Variants in RTCB observed in about 807,000 individuals in gnomAD.
The protein encoded by RTCB is RNA 2',3'-cyclic phosphate and 5'-OH ligase, also known as RNA-splicing ligase RTCB.
A neutral mutation model predicts 58.2 loss-of-function variants in RTCB; 32 were observed. The ratio of observed to expected loss-of-function variants is 0.55; its 90% CI spans 0.41 to 0.74. RTCB has a LOEUF of 0.74. Ranked by LOEUF, RTCB falls within the 30% of genes least tolerant of loss-of-function variation. The probability of loss-of-function intolerance (pLI) is 0.00; values close to 1 mark genes in which losing one functional copy is unlikely to be tolerated. For missense variants in RTCB, 523 were observed against 639.0 expected (o/e 0.82, Z 1.96); for synonymous variants, 247 against 218.6 (o/e 1.13, Z -1.15).
In RTCB at chr22:32,393,965, C is replaced by T. The variant is rs1392160947; in HGVS notation, c.1217G>A (p.Gly406Glu). 2 of 1,613,944 alleles carry T rather than the reference C, an allele frequency of 1.2e-6. No homozygotes were observed. Among genetic ancestry groups the T allele is most frequent in the African/African-American group, 1.3e-5 (1 of 74,926 alleles). Residue 406 changes from glycine (G) to glutamate (E), a missense_variant, in exon 10 of 12, where the codon GGA becomes GAA. Gly to Glu is a moderately conservative substitution (Grantham distance 98). Coordinates refer to ENST00000216038, the MANE Select transcript of RTCB (RefSeq NM_014306.5). ...GCCAGTAAGAACATAACTACAGGTT[C>T]CCATGGTGCCACCAATGAGCACTGG... ...GQPVLIGGTMGTCSYVLTGTE... is the reference protein window; with the variant it reads ...GQPVLIGGTMETCSYVLTGTE...
intron 7 of RTCB, among the ~76,000 whole-genome samples, chr22:32,397,580 C>A (rs1933267386): frequency 6.6e-6 from 1 of 152,176 alleles, no homozygotes; most frequent in Non-Finnish European, 1.5e-5. Context: ...ACATAATCTG[C>A]CAAATGAAAG....
Position 32,398,141 on chromosome 22 carries a change from AGTTT to A in RTCB, c.655-45_655-42del, listed in dbSNP as rs754985758. On this transcript the variant is annotated intron_variant, in intron 6 of 11. Transcript: ENST00000216038. ...TGTCTGGTAAGATAGTTTTTATTCC[AGTTT>A]TTTTTTTAATCTATTTAAAAACCAA... The A allele has an allele frequency of 3.6e-5, 57 of 1,575,960 alleles. No homozygotes were observed. In the East Asian group the frequency reaches 9.4e-4, roughly 26 times the overall value.
rs1933241474 is a variant in RTCB at position 32,396,096 on chromosome 22, G to C, written c.968C>G (p.Ser323Cys). The C allele has an allele frequency of 1.2e-6, 2 of 1,614,084 alleles. No homozygotes were observed. The highest frequency in any genetic ancestry group is 1.7e-6 in the Non-Finnish European group (2 of 1,179,944). Reference sequence around the variant, plus strand: ...TACCTGACGGGTTAAGAAGGTCATGGAAGAGCGGTTGACCCAGGCATAGTT... The same window carrying C: ...TACCTGACGGGTTAAGAAGGTCATGCAAGAGCGGTTGACCCAGGCATAGTT... ...AGNYAWVNRS[S>C]MTFLTRQAFA... The change falls in exon 8 of 12, where the codon TCC becomes TGC. Residue 323 changes from serine to cysteine, a missense_variant. Physicochemically the swap from Ser to Cys is moderately radical, Grantham distance 112. This residue lies in a region of RTCB where 248 missense variants were observed against 292.5 expected (regional missense o/e 0.85). Coordinates refer to ENST00000216038, the MANE Select transcript of RTCB (RefSeq NM_014306.5).
chr22:32,398,692 A>G (rs1188002830), intron 6 of RTCB, among the ~76,000 whole-genome samples: 1 of 152,242 alleles, frequency 6.6e-6, no homozygotes, highest in Non-Finnish European at 1.5e-5. Flanking sequence ...AAACATCACA[A>G]AGAGTCAAAT....
chr22:32,392,115 G>T (rs945140826), intron 11 of RTCB, 125 bp downstream of exon 11: 31 of 988,542 alleles, frequency 3.1e-5, no homozygotes, highest in Non-Finnish European at 4.4e-5. Flanking sequence ...CAAAATTGAG[G>T]TCATAAAAAA....
chr22:32,396,593 T>C (rs566102599), intron 7 of RTCB, among the ~76,000 whole-genome samples: 81 of 152,350 alleles, frequency 5.3e-4, no homozygotes, highest in African/African-American at 1.8e-3. Context: ...ATACATTTTG[T>C]TGCCTTCATG....
At position 32,394,302 on chromosome 22, in the gene RTCB, G is replaced by A. The variant is rs566255110; in HGVS notation, c.1180-300C>T. On this transcript the variant is annotated intron_variant, in intron 9 of 11. Coordinates refer to ENST00000216038, the MANE Select transcript of RTCB (RefSeq NM_014306.5). ...AATTTTTTGTATTTTTAGTAGAGGCGGAGTTTCACCATGTTAGCCAGGATG... is the reference window on the plus strand; with the variant it reads ...AATTTTTTGTATTTTTAGTAGAGGCAGAGTTTCACCATGTTAGCCAGGATG... 1.1e-4 allele frequency among the ~76,000 whole-genome samples: 16 copies of A among 152,030 alleles called. No homozygotes were observed. In the East Asian group the frequency reaches 2.9e-3, roughly 28 times the overall value.
chr22:32,412,204 G>T lies in RTCB; in HGVS notation c.-48C>A. ...ACTCCCGGCTCCGCTTTGAAGAGCC[G>T]CTGCCGCGTAGTCCGGCTTCTCAGA... is the stretch of plus-strand genomic sequence containing the variant. On this transcript the variant is annotated 5_prime_UTR_variant, in exon 1 of 12. Coordinates refer to ENST00000216038, the MANE Select transcript of RTCB (RefSeq NM_014306.5). 6.8e-7 allele frequency: 1 copy of T among 1,470,838 alleles called. No individual in the cohort carries two copies. Among genetic ancestry groups the T allele is most frequent in the Non-Finnish European group, 9.3e-7 (1 of 1,078,800 alleles). The allele number at this position is 1,470,838 out of a possible 1,614,324, so 91.1% of individuals were successfully genotyped here.
chr22:32,403,416 A>G (rs1933370950), intron 4 of RTCB, among the ~76,000 whole-genome samples: 1 of 152,130 alleles, frequency 6.6e-6, no homozygotes, highest in South Asian at 2.1e-4. Context: ...CAAAAAAAAA[A>G]GAAAAAAAAA....
chr22:32,388,215 T>C, intron 11 of RTCB, 116 bp from the exon 12 acceptor site: 1 of 640,922 alleles, frequency 1.6e-6, no homozygotes, highest in Non-Finnish European at 2.7e-6. Context: ...AGAGTTTTTT[T>C]TTGCCTATGA....
intron 6 of RTCB, 24 bp from the exon 7 acceptor site, chr22:32,398,124 A>T (rs772576236): frequency 1.3e-6 from 2 of 1,593,508 alleles, no homozygotes; most frequent in African/African-American, 2.7e-5. Flanking sequence ...AATGTCTGGT[A>T]AGATAGTTTT....
chr22:32,401,240 C>A (rs1271055023), intron 5 of RTCB, among the ~76,000 whole-genome samples: 1 of 151,754 alleles, frequency 6.6e-6, no homozygotes, highest in Non-Finnish European at 1.5e-5. Context: ...GGACTACAGT[C>A]ACAAGCCATC....
In RTCB at chr22:32,396,281, T is replaced by A; in HGVS notation, c.815-32A>T. The A allele has an allele frequency of 1.9e-6, 3 of 1,606,452 alleles. No individual in the cohort carries two copies. The South Asian group carries it at 3.3e-5, about 18-fold the overall frequency. On this transcript the variant is annotated intron_variant, in intron 7 of 11. Coordinates refer to ENST00000216038, the MANE Select transcript of RTCB (RefSeq NM_014306.5). ...CAAGAGCCACAAAGTCCAAACCAGT[T>A]AGCTTTCCCTTAAATGAACAGTTCA...
At chr22:32,389,345 T>C (rs148943847) in intron 11 of RTCB, among the ~76,000 whole-genome samples, 1 of 152,336 alleles carries the variant, frequency 6.6e-6, no homozygotes, top group East Asian at 1.9e-4. Context: ...TTCATAAACA[T>C]GCTAACTTTA....
At position 32,394,126 on chromosome 22, in the gene RTCB, T is replaced by C. The variant is rs934248083; in HGVS notation, c.1180-124A>G. The C allele has an allele frequency of 4.7e-5, 29 of 622,758 alleles. 1 individual carries two copies. Among genetic ancestry groups the C allele is most frequent in the Non-Finnish European group, 7.7e-5 (28 of 364,100 alleles). The allele number at this position is 622,758 out of a possible 1,614,324, so 38.6% of individuals were successfully genotyped here. ...GAAACCCAGACTTCTTTTTTTTTTT[T>C]TTGAGATGGGAGTCTTGCTCTGTCG... On this transcript the variant is annotated intron_variant, in intron 9 of 11. Transcript: ENST00000216038.
intron 6 of RTCB, among the ~76,000 whole-genome samples, chr22:32,399,189 T>C (rs960022710): frequency 3.3e-5 from 5 of 152,150 alleles, no homozygotes. Context: ...CAGGCTGGAG[T>C]GCACTGGCGT....
In RTCB at chr22:32,388,014, GGT is replaced by G; in HGVS notation, c.1494_1495del (p.Arg498SerfsTer23). 6.2e-7 allele frequency: 1 copy of G among 1,612,908 alleles called. No homozygotes were observed. The highest frequency in any genetic ancestry group is 8.5e-7 in the Non-Finnish European group (1 of 1,178,924). ...GTTCTATCCTTTGATCACAGCAATT[GGT>G]CTCAGTTTAATGGCTTTCTTGCTGA... On this transcript the variant is annotated frameshift_variant, in exon 12 of 12. Transcript: ENST00000216038. LOFTEE classifies it high-confidence loss of function.
intron 5 of RTCB, among the ~76,000 whole-genome samples, chr22:32,401,090 G>GTTT (rs536914312): frequency 2.0e-3 from 269 of 136,714 alleles, no homozygotes; most frequent in African/African-American, 7.2e-3. Flanking sequence ...CACCTACTAA[G>GTTT]TTTTTTTTTT....
intron 3 of RTCB, chr22:32,407,970 G>A (rs1933456481): frequency 1.7e-6 from 1 of 580,568 alleles, no homozygotes; most frequent in Non-Finnish European, 3.1e-6. Context: ...GCCCAGACTA[G>A]TCTTGAATTC....
Sources: allele counts gnomAD v4.1 joint callset (sites outside exome capture counted in the v4.1 genomes callset), GRCh38; gene constraint gnomAD v4.1.1; regional missense constraint gnomAD v4.1.1; transcripts MANE v1.5; gene names NCBI Gene and HGNC (gene_info 2026-07-23, HGNC 2026-07-21).